The following LEKR1 variants were observed in gnomAD, a reference collection of about 807,000 sequenced individuals.
LEKR1 encodes protein LEKR1.
A neutral mutation model predicts 72.4 loss-of-function variants in LEKR1; 59 were observed. That is an observed-to-expected ratio of 0.82 (90% CI 0.66 to 1.01). The LOEUF is 1.01. LEKR1 is among the 50% of genes least tolerant of loss of function. The pLI is 0.00. For synonymous variants in LEKR1, 257 were observed against 263.2 expected, an observed-to-expected ratio of 0.98 and a Z score of 0.23; for missense variants, 728 against 759.2, an observed-to-expected ratio of 0.96 and a Z score of 0.48.
chr3:156,948,067 CATT>C (rs1333236894), intron 6 of LEKR1, among the ~76,000 whole-genome samples: 1 of 151,088 alleles, frequency 6.6e-6, no homozygotes, highest in Non-Finnish European at 1.5e-5. Flanking sequence ...ATTTGAATTG[CATT>C]ATATTTATAA....
At chr3:157,044,020 T>C (rs1735564969) in intron 12 of LEKR1, among the ~76,000 whole-genome samples, 1 of 152,226 alleles carries the variant, frequency 6.6e-6, no homozygotes, top group Admixed American at 6.5e-5. Context: ...GAGTTCTGTC[T>C]ATAATCATGA....
At chr3:156,911,369 T>A (rs557661381) in intron 3 of LEKR1, among the ~76,000 whole-genome samples, 92 of 152,272 alleles carry the variant, frequency 6.0e-4, no homozygotes, top group South Asian at 1.5e-3. Context: ...TTTTTCTTGT[T>A]GAATTGTTTA....
At chr3:156,982,796 T>A (rs932308113) in intron 7 of LEKR1, among the ~76,000 whole-genome samples, 2 of 152,058 alleles carry the variant, frequency 1.3e-5, no homozygotes, top group African/African-American at 4.8e-5. Context: ...TAAACATATA[T>A]GGATATAAAA....
intron 3 of LEKR1, among the ~76,000 whole-genome samples, chr3:156,856,276 G>A (rs550345231): frequency 4.6e-5 from 7 of 152,056 alleles, no homozygotes; most frequent in South Asian, 2.1e-4. Flanking sequence ...TTCTTCTAGC[G>A]TATTTCTGGA....
At chr3:156,977,111 GA>G (rs1729761425) in intron 6 of LEKR1, among the ~76,000 whole-genome samples, 2 of 152,144 alleles carry the variant, frequency 1.3e-5, no homozygotes, top group Admixed American at 1.3e-4. Flanking sequence ...TCCAGCCCAT[GA>G]TGAAAAATAC....
At chr3:156,915,538 T>C (rs1723550137) in intron 3 of LEKR1, among the ~76,000 whole-genome samples, 1 of 152,200 alleles carries the variant, frequency 6.6e-6, no homozygotes, top group Admixed American at 6.5e-5. Context: ...CATATGCTCA[T>C]TGGCCACATG....
At chr3:157,009,104 G>T (rs1204728884) in intron 9 of LEKR1, among the ~76,000 whole-genome samples, 2 of 151,870 alleles carry the variant, frequency 1.3e-5, no homozygotes, top group African/African-American at 4.8e-5. Flanking sequence ...TGTTTTCATG[G>T]AATATACATT....
At chr3:157,018,571 G>A (rs1032057986) in intron 10 of LEKR1, among the ~76,000 whole-genome samples, 5 of 151,890 alleles carry the variant, frequency 3.3e-5, no homozygotes, top group African/African-American at 9.7e-5. Flanking sequence ...CCAAGACCAC[G>A]CCCTGAGCCC....
At position 156,834,622 on chromosome 3, in the gene LEKR1, C is replaced by T. The variant is rs79630155; in HGVS notation, c.48+5245C>T. On this transcript the variant is annotated intron_variant, in intron 2 of 12. Coordinates refer to ENST00000356539, the MANE Select transcript of LEKR1 (RefSeq NM_001004316.3). ...TTAACCATGTATCAGATTGCAGAGC[C>T]TAGGACAAGAACAGAGCTTTAGACA... 9.5e-4 allele frequency among the ~76,000 whole-genome samples: 144 copies of T among 152,280 alleles called. 1 individual carries two copies. The highest frequency in any genetic ancestry group is 3.2e-3 in the African/African-American group (132 of 41,568).
intron 9 of LEKR1, among the ~76,000 whole-genome samples, chr3:157,010,268 T>G (rs1842840): frequency 0.61 from 93,166 of 151,594 alleles, 29,506 homozygotes; most frequent in South Asian, 0.8. Flanking sequence ...TATTAGGAAA[T>G]GAGGAAACAG....
intron 2 of LEKR1, among the ~76,000 whole-genome samples, chr3:156,851,700 C>A (rs965964496): frequency 6.6e-6 from 1 of 151,676 alleles, no homozygotes; most frequent in East Asian, 1.9e-4. Flanking sequence ...TTCCAGTTGA[C>A]ATTTGTGTAA....
In LEKR1 at chr3:156,835,863, CTTTTTTTTTTTTTTT is replaced by C. The variant is rs59061418; in HGVS notation, c.48+6501_48+6515del. On this transcript the variant is annotated intron_variant, in intron 2 of 12. Coordinates refer to ENST00000356539, the MANE Select transcript of LEKR1 (RefSeq NM_001004316.3). ...TCCCCCCAAGTCTTGCTCTGTCTCACTTTTTTTTTTTTTTTTTTTTTTTTTTTTTGAGATGAGTCT... is the reference window on the plus strand; with the variant it reads ...TCCCCCCAAGTCTTGCTCTGTCTCACTTTTTTTTTTTTTTGAGATGAGTCT... Among the ~76,000 whole-genome samples the C allele has an allele frequency of 7.2e-5, 4 of 55,534 alleles. 1 individual carries two copies. The highest frequency in any genetic ancestry group is 1.5e-3 in the East Asian group (2 of 1,360). 36.4% of individuals were successfully genotyped at this position (55,534 alleles called of 152,430 possible).
At chr3:156,826,402 C>G (rs1165242599) in intron 1 of LEKR1, 26 bp downstream of exon 1, 1 of 153,086 alleles carries the variant, frequency 6.5e-6, no homozygotes, top group Non-Finnish European at 1.5e-5. Context: ...TTTCCTCAGC[C>G]TGGGATGACC....
At chr3:156,852,425 C>T (rs1297383133) in intron 2 of LEKR1, among the ~76,000 whole-genome samples, 1 of 152,172 alleles carries the variant, frequency 6.6e-6, no homozygotes, top group African/African-American at 2.4e-5. Context: ...TTTCCTCCCA[C>T]TTCGTGGAAA....
At chr3:156,869,665 A>G (rs557123872) in intron 3 of LEKR1, among the ~76,000 whole-genome samples, 2 of 151,990 alleles carry the variant, frequency 1.3e-5, no homozygotes, top group South Asian at 2.1e-4. Flanking sequence ...TTGTCTCTTC[A>G]TTCTGTTGAT....
intron 3 of LEKR1, among the ~76,000 whole-genome samples, chr3:156,858,025 T>A (rs1716282426): frequency 6.6e-6 from 1 of 152,210 alleles, no homozygotes; most frequent in African/African-American, 2.4e-5. Context: ...GATGACCTAT[T>A]ATGTTTCCTC....
rs569016293 is a variant in LEKR1, at chr3:156,838,845, A to C, written c.48+9468A>C. Among the ~76,000 whole-genome samples the C allele has an allele frequency of 2.0e-5, 3 of 152,290 alleles. No individual in the cohort carries two copies. The South Asian group carries it at 6.2e-4, about 32-fold the overall frequency. ...ATCCCAGACAGACCCCCAAACTTAT[A>C]ATAGCCCGATGGGTTCTTCCTCCCA... On this transcript the variant is annotated intron_variant, in intron 2 of 12. Coordinates refer to ENST00000356539, the MANE Select transcript of LEKR1 (RefSeq NM_001004316.3).
At chr3:156,896,008 CTG>C (rs1721145450) in intron 3 of LEKR1, among the ~76,000 whole-genome samples, 1 of 152,206 alleles carries the variant, frequency 6.6e-6, no homozygotes, top group Non-Finnish European at 1.5e-5. Context: ...TGCACGTACA[CTG>C]TGGAATACTA....
chr3:156,880,681 G>T (rs1181618066), intron 3 of LEKR1, among the ~76,000 whole-genome samples: 4 of 152,110 alleles, frequency 2.6e-5, no homozygotes, highest in African/African-American at 9.7e-5. Context: ...ACCAAAGCCG[G>T]GCAGAGACAC....
Sources: gnomAD v4.1 joint callset for allele counts (sites outside exome capture counted in the v4.1 genomes callset) on GRCh38, gnomAD v4.1.1 for gene constraint, MANE v1.5 for transcripts, NCBI Gene and HGNC (gene_info 2026-07-23, HGNC 2026-07-21) for gene names.